The following KRT80 variants were observed in gnomAD, a reference collection of about 807,000 sequenced individuals.
KRT80 encodes keratin, type II cytoskeletal 80.
KRT80 carries 36 observed loss-of-function variants against 51.5 expected under a neutral mutation model. The observed-to-expected ratio is 0.70, with a 90% CI of 0.54 to 0.92. KRT80 has a LOEUF of 0.92. Among genes scored for constraint, KRT80 ranks in the 40% least tolerant of loss-of-function variants. The probability of loss-of-function intolerance (pLI) is 0.00; values close to 1 mark genes in which losing one functional copy is unlikely to be tolerated. For missense variants in KRT80, 566 were observed against 591.7 expected, an observed-to-expected ratio of 0.96 and a Z score of 0.45; for synonymous variants, 235 against 248.3, an observed-to-expected ratio of 0.95 and a Z score of 0.50.
chr12:52,171,604 C>T (rs779821282), intron 8 of KRT80, 54 bp downstream of exon 8: 4 of 1,608,042 alleles, frequency 2.5e-6, no homozygotes, highest in Non-Finnish European at 2.5e-6. Context: ...GGATCATGAT[C>T]CCCTACACCC....
rs112391716 is a variant in KRT80 at position 52,191,521 on chromosome 12, C to T, written c.300+82G>A. The T allele has an allele frequency of 3.0e-5, 41 of 1,379,876 alleles. 1 individual carries two copies. In the African/African-American group the frequency reaches 4.2e-4, roughly 14 times the overall value. 85.5% of individuals were successfully genotyped at this position (1,379,876 alleles called of 1,614,324 possible). ...GGGTGCAGGGGTGGGGCGCGGTGAT[C>T]GATGCTCAGGGAAACACAGAGCTCA... On this transcript the variant is annotated intron_variant, in intron 1 of 8. Transcript: ENST00000394815.
At chr12:52,182,442 T>G (rs1941339885) in intron 2 of KRT80, among the ~76,000 whole-genome samples, 1 of 152,222 alleles carries the variant, frequency 6.6e-6, no homozygotes, top group South Asian at 2.1e-4. Flanking sequence ...GCTGAAATCC[T>G]GGCTTCCTTG....
chr12:52,178,556 C>T (rs551391270), intron 4 of KRT80, among the ~76,000 whole-genome samples: 2 of 152,212 alleles, frequency 1.3e-5, no homozygotes, highest in African/African-American at 2.4e-5. Flanking sequence ...TCCCTCCTTC[C>T]GGCTCCAGCG....
At position 52,185,489 on chromosome 12, in the gene KRT80, C is replaced by T. The variant is rs767136100; in HGVS notation, c.399G>A (p.Glu133=). The change falls in exon 2 of 9, where the codon GAG becomes GAA. Residue 133 remains glutamate, a synonymous_variant. Coordinates refer to ENST00000394815, the MANE Select transcript of KRT80 (RefSeq NM_182507.3). ...CCTCCTGCAGCCGGCCCTGATATTC[C>T]TCATAGAGATGCCCGAGGTCGAAGA... ...SAIFDLGHLY[E]EYQGRLQEEL... 17 of 1,613,934 alleles carry T rather than the reference C, an allele frequency of 1.1e-5. No homozygotes were observed. The African/African-American group carries it at 1.9e-4, about 18-fold the overall frequency.
In KRT80 at chr12:52,191,549, T is replaced by C. The variant is rs949720476; in HGVS notation, c.300+54A>G. The C allele has an allele frequency of 1.6e-4, 243 of 1,500,110 alleles. 1 individual carries two copies. The highest frequency in any genetic ancestry group is 6.3e-6 in the Non-Finnish European group (7 of 1,113,588). 92.9% of individuals were successfully genotyped at this position (1,500,110 alleles called of 1,614,324 possible). On this transcript the variant is annotated intron_variant, in intron 1 of 8. Transcript: ENST00000394815. The stretch of plus-strand genomic sequence containing the variant: ...TGCTCAGGGAAACACAGAGCTCAGC[T>C]ACCGGCCCAGGCCTGGCAGCCCTTC...
intron 6 of KRT80, among the ~76,000 whole-genome samples, 184 bp downstream of exon 6, chr12:52,172,854 C>T (rs1049742029): frequency 1.3e-5 from 2 of 152,162 alleles, no homozygotes; most frequent in Non-Finnish European, 2.9e-5. Flanking sequence ...GTATGCAGAG[C>T]GCCTCATAAC....
chr12:52,182,217 G>A (rs1941335277), intron 2 of KRT80, among the ~76,000 whole-genome samples: 1 of 152,188 alleles, frequency 6.6e-6, no homozygotes, highest in African/African-American at 2.4e-5. Flanking sequence ...ACGTTCTGCT[G>A]TCTAGGCATC....
chr12:52,180,401 A>G, intron 4 of KRT80, 112 bp downstream of exon 4: 1 of 626,360 alleles, frequency 1.6e-6, no homozygotes, highest in East Asian at 3.0e-5. Context: ...GGAAATTGTA[A>G]GTGACTGTTG....
At chr12:52,187,002 G>T (rs1415286715) in intron 1 of KRT80, among the ~76,000 whole-genome samples, 1 of 152,102 alleles carries the variant, frequency 6.6e-6, no homozygotes, top group Non-Finnish European at 1.5e-5. Context: ...ATCTTGAAAG[G>T]CCCCCAGTTT....
intron 2 of KRT80, among the ~76,000 whole-genome samples, chr12:52,183,787 G>A (rs115429910): frequency 1.3e-5 from 2 of 152,366 alleles, no homozygotes; most frequent in African/African-American, 2.4e-5. Flanking sequence ...GGTTAGGGAT[G>A]GGACTTAGCA....
At position 52,171,431 on chromosome 12, in the gene KRT80, C is replaced by T; in HGVS notation, c.1326G>A (p.Lys442=). 1.9e-6 allele frequency: 3 copies of T among 1,610,942 alleles called. No homozygotes were observed. The highest frequency in any genetic ancestry group is 1.7e-6 in the Non-Finnish European group (2 of 1,178,460). The change falls in exon 9 of 9, where the codon AAG becomes AAA. Residue 442 remains lysine (K), a synonymous_variant. Transcript: ENST00000394815. The stretch of plus-strand genomic sequence containing the variant: ...AGACCTCCGACTCCTGCGAGAAGTA[C>T]TTCTCTGACATTTCGGTGATTTTGA... ...PVIKITEMSE[K]YFSQESEVSE
Position 52,173,033 on chromosome 12 carries a change from C to A in KRT80, c.957+5G>T. 2 of 1,603,270 alleles carry A rather than the reference C, an allele frequency of 1.2e-6. No individual in the cohort carries two copies. Among genetic ancestry groups the A allele is most frequent in the Non-Finnish European group, 1.7e-6 (2 of 1,172,190 alleles). ...CGCCCCCAGGCGCGTCCCCCAGATACTCACATGGCTCTTGACAGAGAGGAT... is the reference window on the plus strand; with the variant it reads ...CGCCCCCAGGCGCGTCCCCCAGATAATCACATGGCTCTTGACAGAGAGGAT... On this transcript the variant is annotated splice_donor_5th_base_variant and intron_variant, in intron 6 of 8. Transcript: ENST00000394815.
Position 52,172,329 on chromosome 12 carries a change from C to A in KRT80, c.1047G>T (p.Glu349Asp), listed in dbSNP as rs756004604. Reference sequence around the variant, plus strand: ...CCTGCTTGGCCTGCTGCAGGGCGGCCTCCAGCTGGGCCAGCTTGGTCTTGG... The same window carrying A: ...CCTGCTTGGCCTGCTGCAGGGCGGCATCCAGCTGGGCCAGCTTGGTCTTGG... ...QDAKTKLAQL[E>D]AALQQAKQDM... Residue 349 changes from glutamate to aspartate, a missense_variant, in exon 7 of 9, where the codon GAG becomes GAT. Physicochemically the swap from Glu to Asp is conservative, Grantham distance 45. Transcript: ENST00000394815. 36 of 1,614,106 alleles carry A rather than the reference C, an allele frequency of 2.2e-5. No individual in the cohort carries two copies. The highest frequency in any genetic ancestry group is 4.2e-6 in the Non-Finnish European group (5 of 1,180,040).
chr12:52,175,994 G>T (rs1193116038), intron 4 of KRT80, among the ~76,000 whole-genome samples: 1 of 152,164 alleles, frequency 6.6e-6, no homozygotes, highest in African/African-American at 2.4e-5. Context: ...CCTCCAGTGT[G>T]CTTCTACAGG....
Position 52,171,255 on chromosome 12 carries a change from A to C in KRT80, c.*143T>G. ...CCCACCCTGGCAGCCCACAAAACAC[A>C]GTCAGTTTTGAACCCCTCTCTCAGT... On this transcript the variant is annotated 3_prime_UTR_variant, in exon 9 of 9. Transcript: ENST00000394815. 2 of 855,994 alleles carry C rather than the reference A, an allele frequency of 2.3e-6. No homozygotes were observed. The highest frequency in any genetic ancestry group is 3.6e-6 in the Non-Finnish European group (2 of 552,278). 53.0% of individuals were successfully genotyped at this position (855,994 alleles called of 1,614,324 possible).
Position 52,191,620 on chromosome 12 carries a change from C to T in KRT80, c.283G>A (p.Ala95Thr), listed in dbSNP as rs747478529. ...GTGCTCACCTTGCCAATTAGGGAGG[C>T]AAATTTATCATTGAGGGCCTTCATC... is the stretch of plus-strand genomic sequence containing the variant. ...EEMKALNDKF[A>T]SLIGKVQALE... The change falls in exon 1 of 9, where the codon GCC (alanine) becomes ACC (threonine). Residue 95 changes from alanine to threonine, a missense_variant. Transcript: ENST00000394815. 6.3e-7 allele frequency: 1 copy of T among 1,591,828 alleles called. No homozygotes were observed. Among genetic ancestry groups the T allele is most frequent in the Non-Finnish European group, 8.6e-7 (1 of 1,165,154 alleles).
At chr12:52,176,919 C>T (rs144756979) in intron 4 of KRT80, among the ~76,000 whole-genome samples, 22 of 152,330 alleles carry the variant, frequency 1.4e-4, no homozygotes, top group Non-Finnish European at 2.9e-4. Flanking sequence ...GTGTCAGTTA[C>T]TGTTCTAAGT....
intron 4 of KRT80, among the ~76,000 whole-genome samples, chr12:52,176,911 G>A (rs1941234485): frequency 6.6e-6 from 1 of 152,224 alleles, no homozygotes; most frequent in Admixed American, 6.5e-5. Flanking sequence ...CTTACCATGT[G>A]TCAGTTACTG....
chr12:52,175,386 G>C (rs933960918), intron 4 of KRT80, among the ~76,000 whole-genome samples: 3 of 152,086 alleles, frequency 2.0e-5, no homozygotes, highest in Admixed American at 6.6e-5. Context: ...TGGGATCCAG[G>C]CTCAGCTTTT....
Sources: gnomAD v4.1 joint callset for allele counts (sites outside exome capture counted in the v4.1 genomes callset) on GRCh38, gnomAD v4.1.1 for gene constraint, MANE v1.5 for transcripts, NCBI Gene and HGNC (gene_info 2026-07-23, HGNC 2026-07-21) for gene names.